GNB5: variants seen among roughly 807,000 people sequenced by gnomAD.
GNB5 encodes the protein G protein subunit beta 5.
GNB5 carries 37 observed loss-of-function variants against 55.3 expected under a neutral mutation model. The observed-to-expected ratio is 0.67, with a 90% CI of 0.51 to 0.88. The LOEUF is 0.88. GNB5 is among the 40% of genes least tolerant of loss of function. GNB5 has a pLI of 0.00. For synonymous variants in GNB5, 219 were observed against 198.5 expected, an observed-to-expected ratio of 1.10 and a Z score of -0.87; for missense variants, 476 against 515.3, an observed-to-expected ratio of 0.92 and a Z score of 0.74.
chr15:52,141,645 C>T (rs370850961), intron 6 of GNB5, among the ~76,000 whole-genome samples: 1 of 152,114 alleles, frequency 6.6e-6, no homozygotes, highest in African/African-American at 2.4e-5. Context: ...ACCCAGATCC[C>T]TTCCCTTAGA....
rs1182648529 is a variant in GNB5, at chr15:52,191,335, C to T, written c.-32G>A. ...GCATGCACATACCTTCCAGAGTCAGCACTGGGAGCCACAGAGCAGATGGTG... is the reference window on the plus strand; with the variant it reads ...GCATGCACATACCTTCCAGAGTCAGTACTGGGAGCCACAGAGCAGATGGTG... On this transcript the variant is annotated 5_prime_UTR_variant, in exon 1 of 13. Coordinates refer to ENST00000261837, the MANE Select transcript of GNB5 (RefSeq NM_016194.4). 6.6e-6 allele frequency: 1 copy of T among 152,362 alleles called. No homozygotes were observed. The highest frequency in any genetic ancestry group is 2.4e-5 in the African/African-American group (1 of 41,452). The allele number at this position is 152,362 out of a possible 1,614,324, so 9.4% of individuals were successfully genotyped here.
chr15:52,133,526 G>T, intron 8 of GNB5, 57 bp from the exon 9 acceptor site: 1 of 1,079,658 alleles, frequency 9.3e-7, no homozygotes, highest in Non-Finnish European at 1.4e-6. Flanking sequence ...TATAGACAAG[G>T]CACGAGTCCC....
Position 52,126,041 on chromosome 15 carries a change from G to A in GNB5, c.916C>T (p.Arg306Cys), listed in dbSNP as rs1367527058. Residue 306 changes from arginine (R) to cysteine (C), a missense_variant, in exon 11 of 13, where the codon CGC becomes TGC. By Grantham distance (180) the Arg-to-Cys change is radical. Coordinates refer to ENST00000261837, the MANE Select transcript of GNB5 (RefSeq NM_016194.4). ...CTATCTGCCCGCAGGTCATAGAGGCGACACTGGGGAGCAAATAAATAAAGA... is the reference window on the plus strand; with the variant it reads ...CTATCTGCCCGCAGGTCATAGAGGCAACACTGGGGAGCAAATAAATAAAGA... ...FASGSDDATCRLYDLRADREV... is the reference protein window; with the variant it reads ...FASGSDDATCCLYDLRADREV... The A allele has an allele frequency of 1.3e-5, 20 of 1,497,554 alleles. No individual in the cohort carries two copies. The highest frequency in any genetic ancestry group is 3.6e-4 in the Middle Eastern group (2 of 5,630). 92.8% of individuals were successfully genotyped at this position (1,497,554 alleles called of 1,614,324 possible). A position where few individuals can be genotyped will look rare whatever the true frequency, so the allele number is the denominator to read the frequency against.
Position 52,168,506 on chromosome 15 carries a change from T to C in GNB5, c.238+11262A>G, listed in dbSNP as rs1012213984. On this transcript the variant is annotated intron_variant, in intron 3 of 12. Coordinates refer to ENST00000261837, the MANE Select transcript of GNB5 (RefSeq NM_016194.4). The stretch of plus-strand genomic sequence containing the variant: ...TGGAAAAACATTCCATGCTTATGGA[T>C]AGGAAGAATCAATACAGTGAAAATG... Among the ~76,000 whole-genome samples the C allele has an allele frequency of 5.9e-5, 9 of 152,282 alleles. No individual in the cohort carries two copies. The South Asian group carries it at 1.5e-3, about 25-fold the overall frequency.
In GNB5 at chr15:52,122,446, C is replaced by A; in HGVS notation, c.*311G>T. ...TATGGAATATATTAACTGCTGAATTCTACTGGTGACAGAATGAGTTGAGGC... is the reference window on the plus strand; with the variant it reads ...TATGGAATATATTAACTGCTGAATTATACTGGTGACAGAATGAGTTGAGGC... On this transcript the variant is annotated 3_prime_UTR_variant, in exon 13 of 13. Coordinates refer to ENST00000261837, the MANE Select transcript of GNB5 (RefSeq NM_016194.4). 1 of 333,628 alleles carries A rather than the reference C, an allele frequency of 3.0e-6. No individual in the cohort carries two copies. 20.7% of individuals were successfully genotyped at this position (333,628 alleles called of 1,614,324 possible).
intron 6 of GNB5, among the ~76,000 whole-genome samples, chr15:52,142,542 G>T (rs1596070713): frequency 6.7e-6 from 1 of 150,328 alleles, no homozygotes. Context: ...CAAATTTGGG[G>T]CCTCTTCAAG....
chr15:52,168,143 C>T (rs945318791), intron 3 of GNB5, among the ~76,000 whole-genome samples: 1 of 152,216 alleles, frequency 6.6e-6, no homozygotes, highest in Non-Finnish European at 1.5e-5. Flanking sequence ...ACTGGAAGTT[C>T]TGGCCAGGGC....
chr15:52,126,306 C>G (rs890191335), intron 10 of GNB5, among the ~76,000 whole-genome samples: 8 of 152,044 alleles, frequency 5.3e-5, no homozygotes, highest in African/African-American at 1.9e-4. Flanking sequence ...GGTATAAAAA[C>G]AAAATGAGAC....
intron 3 of GNB5, among the ~76,000 whole-genome samples, chr15:52,177,333 G>A (rs1045830465): frequency 2.0e-5 from 3 of 151,612 alleles, no homozygotes; most frequent in African/African-American, 4.8e-5. Context: ...CTGTCGGTCC[G>A]AGACCCTGTC....
intron 1 of GNB5, among the ~76,000 whole-genome samples, chr15:52,189,841 T>C (rs933185837): frequency 6.6e-6 from 1 of 152,246 alleles, no homozygotes; most frequent in African/African-American, 2.4e-5. Flanking sequence ...ATGATTTATT[T>C]ATATGAAGTG....
chr15:52,164,025 CG>C, intron 3 of GNB5, among the ~76,000 whole-genome samples: 1 of 152,074 alleles, frequency 6.6e-6, no homozygotes, highest in Non-Finnish European at 1.5e-5. Context: ...GAAAAACAGC[CG>C]GGCACGGTGG....
chr15:52,144,658 G>T (rs1398170910), intron 6 of GNB5, among the ~76,000 whole-genome samples: 1 of 152,106 alleles, frequency 6.6e-6, no homozygotes, highest in Non-Finnish European at 1.5e-5. Flanking sequence ...ATCATATCAG[G>T]TCTGATCTCC....
intron 4 of GNB5, among the ~76,000 whole-genome samples, chr15:52,152,564 A>G (rs1382850588): frequency 6.6e-6 from 1 of 151,402 alleles, no homozygotes; most frequent in Non-Finnish European, 1.5e-5. Context: ...ACCTCAGGTG[A>G]TCCATCCGCC....
rs192670788 is a variant in GNB5 at position 52,135,633 on chromosome 15, C to T, written c.751G>A (p.Gly251Arg). Residue 251 changes from glycine to arginine, a missense_variant, in exon 8 of 13, where the codon GGA becomes AGA. By Grantham distance (125) the Gly-to-Arg change is moderately radical (BLOSUM62 -2). Coordinates refer to ENST00000261837, the MANE Select transcript of GNB5 (RefSeq NM_016194.4). The part of the protein sequence containing the change: ...LCLDLAPSET[G>R]NTFVSGGCDK... ...TTTACCCCAGACACGAAGGTGTTTC[C>T]AGTTTCTGAGGGGGCCAGGTCCAAG... 10 of 1,613,748 alleles carry T rather than the reference C, an allele frequency of 6.2e-6. No homozygotes were observed. The highest frequency in any genetic ancestry group is 8.5e-6 in the Non-Finnish European group (10 of 1,179,854).
intron 3 of GNB5, chr15:52,162,917 C>T (rs1433688225): frequency 6.6e-6 from 1 of 152,244 alleles, no homozygotes; most frequent in Non-Finnish European, 1.5e-5. Context: ...TTAGAAGCAG[C>T]TGCAATCCGC....
chr15:52,186,274 TA>T (rs1285937131), intron 1 of GNB5, among the ~76,000 whole-genome samples: 1 of 152,282 alleles, frequency 6.6e-6, no homozygotes, highest in African/African-American at 2.4e-5. Context: ...TTTGCCTTTT[TA>T]AAAAAACTGC....
rs1231513735 is a variant in GNB5, at chr15:52,115,494, G to T, written c.*7263C>A. ...CGGTATATACAAAGTGCTTAGCACA[G>T]TACCTGGCACACAGTAAAAGGTTGT... is the stretch of plus-strand genomic sequence containing the variant. On this transcript the variant is annotated 3_prime_UTR_variant, in exon 13 of 13. Transcript: ENST00000261837. 2 of 152,206 alleles carry T rather than the reference G, an allele frequency of 1.3e-5. No homozygotes were observed. The highest frequency in any genetic ancestry group is 4.8e-5 in the African/African-American group (2 of 41,456). 9.4% of individuals were successfully genotyped at this position (152,206 alleles called of 1,614,324 possible). A position where few individuals can be genotyped will look rare whatever the true frequency, so the allele number is the denominator to read the frequency against.
chr15:52,166,866 A>C (rs1281706459), intron 3 of GNB5, among the ~76,000 whole-genome samples: 1 of 152,056 alleles, frequency 6.6e-6, no homozygotes, highest in Non-Finnish European at 1.5e-5. Context: ...GACATGAAAA[A>C]CCCTTCAAAA....
At chr15:52,147,620 T>C (rs2034004879) in intron 5 of GNB5, 85 bp from the exon 6 acceptor site, 2 of 660,438 alleles carry the variant, frequency 3.0e-6, no homozygotes, top group Non-Finnish European at 2.5e-6. Context: ...GGAGTCTCAC[T>C]CTGTTGCCCA....
Sources: gnomAD v4.1 joint callset for allele counts (sites outside exome capture counted in the v4.1 genomes callset) on GRCh38, gnomAD v4.1.1 for gene constraint, MANE v1.5 for transcripts, NCBI Gene and HGNC (gene_info 2026-07-23, HGNC 2026-07-21) for gene names.